NR6A1: variants seen among roughly 807,000 people sequenced by gnomAD.
NR6A1 encodes the protein retinoic acid receptor-related testis-associated receptor.
Under a neutral mutation model 59.1 loss-of-function variants are expected in NR6A1, and 7 were observed. That is an observed-to-expected ratio of 0.12 (90% CI 0.07 to 0.22). The LOEUF is 0.22. NR6A1 is among the 10% of genes least tolerant of loss of function. NR6A1 has a pLI of 1.00. For synonymous variants in NR6A1, 243 were observed against 236.1 expected (o/e 1.03, Z -0.27); for missense variants, 468 against 611.6 (o/e 0.77, Z 2.48).
rs199682493 is a variant in NR6A1 at position 124,538,064 on chromosome 9, G to A, written c.824+28C>T. On this transcript the variant is annotated intron_variant, in intron 6 of 9. Transcript: ENST00000487099. ...GGGTAGGGACACTTTGAGACTGCAA[G>A]GGGCCAAGAAGGGCGGAGCTCACTC... The A allele has an allele frequency of 1.0e-5, 16 of 1,571,312 alleles. No individual in the cohort carries two copies. In the East Asian group the frequency reaches 3.6e-4, roughly 35 times the overall value.
At chr9:124,684,990 C>T (rs974989599) in intron 2 of NR6A1, among the ~76,000 whole-genome samples, 6 of 133,570 alleles carry the variant, frequency 4.5e-5, no homozygotes, top group Non-Finnish European at 8.2e-5. Context: ...GAAACTTCTG[C>T]AAAAAAAAAA....
intron 7 of NR6A1, among the ~76,000 whole-genome samples, chr9:124,535,384 T>C (rs1588644888): frequency 6.6e-6 from 1 of 152,026 alleles, no homozygotes; most frequent in East Asian, 1.9e-4. Context: ...TTGAGACCAG[T>C]CTCGCCAACA....
At chr9:124,608,586 T>C (rs1240218467) in intron 2 of NR6A1, among the ~76,000 whole-genome samples, 1 of 152,238 alleles carries the variant, frequency 6.6e-6, no homozygotes. Context: ...TTATTGTGAA[T>C]AGTGCTGCAA....
chr9:124,737,796 C>A (rs1046124344), intron 1 of NR6A1, among the ~76,000 whole-genome samples: 3 of 151,928 alleles, frequency 2.0e-5, no homozygotes, highest in African/African-American at 7.3e-5. Context: ...AACACAGAGG[C>A]AGAGGTTGTA....
At chr9:124,596,405 G>A (rs546539895) in intron 2 of NR6A1, among the ~76,000 whole-genome samples, 18 of 152,232 alleles carry the variant, frequency 1.2e-4, no homozygotes, top group African/African-American at 3.6e-4. Context: ...AATACACAGA[G>A]CTAAGAGTTG....
rs78432505 is a variant in NR6A1 at position 124,649,233 on chromosome 9, C to CAAAAAAA, written c.142+84068_142+84074dup. Reference sequence around the variant, plus strand: ...ATAGTAAGAAAGTGTGGTACTGGCACAAAAAAAAAAAAAAAAAAAAAAGAC... The same window carrying CAAAAAAA: ...ATAGTAAGAAAGTGTGGTACTGGCACAAAAAAAAAAAAAAAAAAAAAAAAAAAAAGAC... On this transcript the variant is annotated intron_variant, in intron 2 of 9. Transcript: ENST00000487099. 7.7e-4 allele frequency among the ~76,000 whole-genome samples: 32 copies of CAAAAAAA among 41,416 alleles called. 1 individual carries two copies. In the South Asian group the frequency reaches 0.013, roughly 16 times the overall value. The allele number at this position is 41,416 out of a possible 152,430, so 27.2% of individuals were successfully genotyped here.
intron 2 of NR6A1, among the ~76,000 whole-genome samples, chr9:124,691,683 A>G (rs561621314): frequency 1.3e-5 from 2 of 152,218 alleles, no homozygotes; most frequent in African/African-American, 4.8e-5. Flanking sequence ...GCTTTACATT[A>G]GGTGGTGGGT....
chr9:124,761,320 T>A (rs1204450794), intron 1 of NR6A1, among the ~76,000 whole-genome samples: 2 of 152,216 alleles, frequency 1.3e-5, no homozygotes, highest in Non-Finnish European at 2.9e-5. Flanking sequence ...CCCAAATAAT[T>A]ATCTCACTGA....
chr9:124,595,722 A>G (rs1164176087), intron 2 of NR6A1: 19 of 1,186,216 alleles, frequency 1.6e-5, no homozygotes, highest in Non-Finnish European at 2.1e-5. Flanking sequence ...TCTAACCCTT[A>G]GATTTGGGCC....
intron 1 of NR6A1, among the ~76,000 whole-genome samples, chr9:124,765,600 G>C (rs1012013936): frequency 4.6e-5 from 7 of 152,132 alleles, no homozygotes; most frequent in Non-Finnish European, 1.0e-4. Context: ...GGGATCAAAA[G>C]ATTTGGTGCA....
chr9:124,685,909 T>C (rs1438480337), intron 2 of NR6A1, among the ~76,000 whole-genome samples: 1 of 152,178 alleles, frequency 6.6e-6, no homozygotes, highest in Non-Finnish European at 1.5e-5. Context: ...AAGTATGAGG[T>C]AGATCTAAGC....
At position 124,743,785 on chromosome 9, in the gene NR6A1, G is replaced by A. The variant is rs115005224; in HGVS notation, c.101-10436C>T. Among the ~76,000 whole-genome samples, 196 of 152,348 alleles carry A rather than the reference G, an allele frequency of 1.3e-3. 1 individual carries two copies. The highest frequency in any genetic ancestry group is 4.5e-3 in the African/African-American group (187 of 41,584). Reference sequence around the variant, plus strand: ...GGCAATTCAGTCTGATGAGTCAGAGGTCATTAGTGTTTCTATGGAATTACA... The same window carrying A: ...GGCAATTCAGTCTGATGAGTCAGAGATCATTAGTGTTTCTATGGAATTACA... On this transcript the variant is annotated intron_variant, in intron 1 of 9. Transcript: ENST00000487099.
intron 1 of NR6A1, among the ~76,000 whole-genome samples, chr9:124,748,634 G>A (rs536565160): frequency 2.0e-4 from 30 of 152,100 alleles, no homozygotes; most frequent in Non-Finnish European, 3.4e-4. Flanking sequence ...GCCGAGGCAG[G>A]CAGATCACGA....
chr9:124,556,204 T>C (rs530776735), intron 2 of NR6A1, among the ~76,000 whole-genome samples: 9 of 152,330 alleles, frequency 5.9e-5, no homozygotes, highest in East Asian at 1.9e-4. Context: ...CTGAATTATA[T>C]GGGTGGGCCC....
At chr9:124,526,317 T>TG (rs2131321529) in intron 8 of NR6A1, among the ~76,000 whole-genome samples, 2 of 151,682 alleles carry the variant, frequency 1.3e-5, no homozygotes, top group South Asian at 2.1e-4. Context: ...TGTGTGTGTG[T>TG]TTGTGCACCC....
chr9:124,687,874 T>G (rs1370007026), intron 2 of NR6A1, among the ~76,000 whole-genome samples: 4 of 152,324 alleles, frequency 2.6e-5, no homozygotes, highest in African/African-American at 9.6e-5. Context: ...GTTCCAAGAC[T>G]CCCAGCAGAC....
At chr9:124,741,903 T>C (rs1564263020) in intron 1 of NR6A1, among the ~76,000 whole-genome samples, 4 of 152,010 alleles carry the variant, frequency 2.6e-5, no homozygotes, top group African/African-American at 9.7e-5. Context: ...GTAGCCATGA[T>C]CGATATCAGG....
intron 2 of NR6A1, among the ~76,000 whole-genome samples, chr9:124,622,637 T>C (rs1263869449): frequency 7.9e-5 from 12 of 152,202 alleles, no homozygotes; most frequent in Non-Finnish European, 1.2e-4. Flanking sequence ...GTTTTGATAC[T>C]TGATATATTT....
In NR6A1 at chr9:124,588,397, T is replaced by C. The variant is rs1035320270; in HGVS notation, c.143-33827A>G. ...ATCTCCACTCACTGCAAGCTCTGCC[T>C]TCCGGGTTCACGCCATTCTCCTGCC... On this transcript the variant is annotated intron_variant, in intron 2 of 9. Coordinates refer to ENST00000487099, the MANE Select transcript of NR6A1 (RefSeq NM_033334.4). Among the ~76,000 whole-genome samples, 3 of 152,036 alleles carry C rather than the reference T, an allele frequency of 2.0e-5. No homozygotes were observed. The South Asian group carries it at 6.2e-4, about 32-fold the overall frequency.
Sources: allele counts gnomAD v4.1 joint callset (sites outside exome capture counted in the v4.1 genomes callset), GRCh38; gene constraint gnomAD v4.1.1; transcripts MANE v1.5; gene names NCBI Gene and HGNC (gene_info 2026-07-23, HGNC 2026-07-21).